NAT10: variants seen among roughly 807,000 people sequenced by gnomAD.
NAT10 encodes the protein RNA cytidine acetyltransferase.
In NAT10, 109 loss-of-function variants were observed where a neutral mutation model predicts 132.2. The observed-to-expected ratio is 0.82, with a 90% CI of 0.71 to 0.97. The LOEUF is 0.97. NAT10 is among the 50% of genes least tolerant of loss of function. The probability of loss-of-function intolerance (pLI) is 0.00; values close to 1 mark genes in which losing one functional copy is unlikely to be tolerated. For synonymous variants in NAT10, 479 were observed against 478.0 expected (o/e 1.00, Z -0.03); for missense variants, 1,184 against 1,263.4 (o/e 0.94, Z 0.95).
intron 27 of NAT10, among the ~76,000 whole-genome samples, chr11:34,143,181 A>G (rs185998677): frequency 6.6e-6 from 1 of 152,180 alleles, no homozygotes; most frequent in Non-Finnish European, 1.5e-5. Context: ...CCTTCTGTGC[A>G]GGACTGTCCT....
chr11:34,141,365 C>T (rs140991771), intron 25 of NAT10, among the ~76,000 whole-genome samples, 157 bp downstream of exon 25: 1 of 150,400 alleles, frequency 6.6e-6, no homozygotes, highest in East Asian at 2.0e-4. Context: ...GACTTCAGAA[C>T]ACATGTTAGC....
In NAT10 at chr11:34,124,539, A is replaced by G. The variant is rs1018644979; in HGVS notation, c.1107+139A>G. ...AGACAATGGTGGTGTTGTATGCTAA[A>G]CCTGTTCCAGATTTTCAGACTCTTC... On this transcript the variant is annotated intron_variant, in intron 11 of 28. Transcript: ENST00000257829. The G allele has an allele frequency of 7.8e-6, 4 of 510,144 alleles. No individual in the cohort carries two copies. In the African/African-American group the frequency reaches 7.9e-5, roughly 10 times the overall value. 31.6% of individuals were successfully genotyped at this position (510,144 alleles called of 1,614,324 possible). A position where few individuals can be genotyped will look rare whatever the true frequency, so the allele number is the denominator to read the frequency against.
chr11:34,127,242 C>T (rs1852012099), intron 11 of NAT10, among the ~76,000 whole-genome samples: 1 of 152,114 alleles, frequency 6.6e-6, no homozygotes, highest in Non-Finnish European at 1.5e-5. Context: ...AGTGACTTGT[C>T]CAAGGTCATA....
rs1206416997 is a variant in NAT10 at position 34,127,470 on chromosome 11, A to C, written c.1115A>C (p.His372Pro). 6.2e-7 allele frequency: 1 copy of C among 1,613,694 alleles called. No homozygotes were observed. The highest frequency in any genetic ancestry group is 8.5e-7 in the Non-Finnish European group (1 of 1,179,636). The change falls in exon 12 of 29, where the codon CAT becomes CCT. Residue 372 changes from histidine to proline, a missense_variant. Physicochemically the swap from His to Pro is moderately conservative, Grantham distance 77. Transcript: ENST00000257829. ...REHRQTIQYI[H>P]PADAVKLGQA... Reference sequence around the variant, plus strand: ...AATTTTCCTTCCCCATAGTATATACATCCTGCAGATGCTGTGAAGCTGGGC... The same window carrying C: ...AATTTTCCTTCCCCATAGTATATACCTCCTGCAGATGCTGTGAAGCTGGGC...
At chr11:34,126,946 C>T (rs576076699) in intron 11 of NAT10, among the ~76,000 whole-genome samples, 29 of 152,040 alleles carry the variant, frequency 1.9e-4, no homozygotes, top group African/African-American at 6.5e-4. Context: ...GCCATCAGAG[C>T]AGGGAGCACA....
chr11:34,145,666 G>A (rs1051585943), intron 28 of NAT10, among the ~76,000 whole-genome samples: 5 of 152,188 alleles, frequency 3.3e-5, no homozygotes, highest in African/African-American at 9.7e-5. Context: ...CTCATGCCTT[G>A]TATTAAGGAC....
chr11:34,143,520 C>T lies in NAT10; in HGVS notation c.2961C>T (p.Ser987=). The T allele has an allele frequency of 4.3e-6, 7 of 1,613,850 alleles. No homozygotes were observed. The highest frequency in any genetic ancestry group is 5.9e-6 in the Non-Finnish European group (7 of 1,179,880). ...CTGGGCCGAACGCCTCGATCATCAG[C>T]CTGAAAAGGTGAGGGCCCAGGGTCT... is the stretch of plus-strand genomic sequence containing the variant. The part of the protein sequence containing the change: ...NKAGPNASII[S]LKSDKKRKLE... The change falls in exon 28 of 29, where the codon AGC becomes AGT. Residue 987 remains serine (S), a synonymous_variant. Coordinates refer to ENST00000257829, the MANE Select transcript of NAT10 (RefSeq NM_024662.3).
intron 18 of NAT10, among the ~76,000 whole-genome samples, chr11:34,134,933 C>T (rs1852181774): frequency 6.6e-6 from 1 of 152,234 alleles, no homozygotes; most frequent in African/African-American, 2.4e-5. Context: ...GAAAGCACAG[C>T]CATCCTTACC....
At chr11:34,113,685 A>C (rs745346952) in intron 4 of NAT10, 31 bp from the exon 5 acceptor site, 1 of 1,594,280 alleles carries the variant, frequency 6.3e-7, no homozygotes, top group Admixed American at 1.7e-5. Flanking sequence ...TATTTGCATG[A>C]CCAGCCCTTT....
chr11:34,132,127 A>G lies in NAT10; in HGVS notation c.1523A>G (p.Tyr508Cys). 2 of 1,611,740 alleles carry G rather than the reference A, an allele frequency of 1.2e-6. No homozygotes were observed. Among genetic ancestry groups the G allele is most frequent in the Non-Finnish European group, 1.7e-6 (2 of 1,177,882 alleles). ...TGGTTTCTTAACTCCAGACCCAGGT[A>G]CTATGTTAATAGAGATACCCTCTTT... ...GCPLPEACEL[Y>C]YVNRDTLFCY... Residue 508 changes from tyrosine (Y) to cysteine (C), a missense_variant and splice_region_variant, in exon 15 of 29, where the codon TAC becomes TGC. Physicochemically the swap from Tyr to Cys is radical, Grantham distance 194. Coordinates refer to ENST00000257829, the MANE Select transcript of NAT10 (RefSeq NM_024662.3).
At chr11:34,139,114 G>A in intron 21 of NAT10, 77 bp from the exon 22 acceptor site, 1 of 1,335,322 alleles carries the variant, frequency 7.5e-7, no homozygotes. Flanking sequence ...TCTTCTCTGA[G>A]TGTTTACCCT....
rs536867605 is a variant in NAT10 at position 34,120,688 on chromosome 11, C to T, written c.781-1771C>T. On this transcript the variant is annotated intron_variant, in intron 8 of 28. Transcript: ENST00000257829. ...GTAGACAAGAGGGATGCACCTGCTT[C>T]ATGGAGCTTGCCTCCTAGTGAGATG... Among the ~76,000 whole-genome samples, 18 of 152,338 alleles carry T rather than the reference C, an allele frequency of 1.2e-4. No homozygotes were observed. The South Asian group carries it at 3.7e-3, about 32-fold the overall frequency.
intron 19 of NAT10, among the ~76,000 whole-genome samples, chr11:34,136,123 C>T (rs1404302043): frequency 6.6e-6 from 1 of 151,284 alleles, no homozygotes; most frequent in African/African-American, 2.4e-5. Flanking sequence ...GCTCTGTCTC[C>T]CAGGCTGGAG....
At chr11:34,140,596 G>C in intron 24 of NAT10, 24 bp downstream of exon 24, 1 of 1,604,426 alleles carries the variant, frequency 6.2e-7, no homozygotes, top group Non-Finnish European at 8.5e-7. Flanking sequence ...TGCTTGCGTG[G>C]AGGAGAAGCG....
chr11:34,124,906 T>A (rs1405566513), intron 11 of NAT10, among the ~76,000 whole-genome samples: 1 of 152,248 alleles, frequency 6.6e-6, no homozygotes, highest in Admixed American at 6.5e-5. Context: ...TGGTCTGCAC[T>A]TGTCCAAAGG....
intron 6 of NAT10, 26 bp downstream of exon 6, chr11:34,115,910 T>G (rs780817793): frequency 3.7e-5 from 59 of 1,609,714 alleles, no homozygotes; most frequent in Admixed American, 1.7e-5. Context: ...CCCCCAATTG[T>G]GGGGCAGCCA....
intron 12 of NAT10, among the ~76,000 whole-genome samples, chr11:34,127,975 A>G (rs992143937): frequency 5.3e-5 from 8 of 152,200 alleles, no homozygotes; most frequent in Non-Finnish European, 1.0e-4. Context: ...GCTCATAATG[A>G]CTTTTTTTAA....
rs1851681328 is a variant in NAT10 at position 34,110,781 on chromosome 11, A to G, written c.201-1271A>G. Among the ~76,000 whole-genome samples the G allele has an allele frequency of 2.0e-5, 3 of 152,166 alleles. No homozygotes were observed. The South Asian group carries it at 6.2e-4, about 32-fold the overall frequency. ...ACTTGCCCCTGTCCTGTGGTCTTAA[A>G]GTGAAGGGATTCTGCCTAAAGGAAA... On this transcript the variant is annotated intron_variant, in intron 3 of 28. Coordinates refer to ENST00000257829, the MANE Select transcript of NAT10 (RefSeq NM_024662.3).
chr11:34,135,317 G>T (rs1269534771), intron 19 of NAT10, 26 bp downstream of exon 19: 2 of 1,587,356 alleles, frequency 1.3e-6, no homozygotes, highest in Non-Finnish European at 1.7e-6. Flanking sequence ...CAGACCTCCT[G>T]TGTCCTGGTT....
Sources: gnomAD v4.1 joint callset for allele counts (sites outside exome capture counted in the v4.1 genomes callset) on GRCh38, gnomAD v4.1.1 for gene constraint, MANE v1.5 for transcripts, NCBI Gene and HGNC (gene_info 2026-07-23, HGNC 2026-07-21) for gene names.